The following SNTG2 variants were observed in gnomAD, a reference collection of about 807,000 sequenced individuals.
SNTG2 encodes the protein syntrophin gamma 2, also known as gamma-2-syntrophin.
Under a neutral mutation model 70.9 loss-of-function variants are expected in SNTG2, and 74 were observed. The observed-to-expected ratio is 1.04, with a 90% CI of 0.86 to 1.27. The LOEUF (loss-of-function observed/expected upper bound fraction) is 1.27, where lower values mean the gene tolerates loss of function less well. SNTG2 is among the 50% of genes most tolerant of loss of function. SNTG2 has a pLI of 0.00. For synonymous variants in SNTG2, 278 were observed against 273.8 expected, an observed-to-expected ratio of 1.02 and a Z score of -0.15; for missense variants, 717 against 690.7, an observed-to-expected ratio of 1.04 and a Z score of -0.43.
At chr2:962,903 C>T (rs1008816456) in intron 1 of SNTG2, among the ~76,000 whole-genome samples, 1 of 152,090 alleles carries the variant, frequency 6.6e-6, no homozygotes, top group Non-Finnish European at 1.5e-5. Flanking sequence ...GCGTGCTAAG[C>T]CCCACATTCA....
At chr2:1,043,759 C>T (rs151211970) in intron 1 of SNTG2, among the ~76,000 whole-genome samples, 2,990 of 152,118 alleles carry the variant, frequency 0.02, 54 homozygotes, top group Middle Eastern at 0.065. Context: ...TCTAATTTGT[C>T]CCATTGGTCT....
intron 1 of SNTG2, 66 bp downstream of exon 1, chr2:951,134 C>T: frequency 1.4e-6 from 1 of 709,204 alleles, no homozygotes; most frequent in Non-Finnish European, 2.0e-6. Flanking sequence ...CGCCCTTCTC[C>T]CCCCGCCCCT....
intron 1 of SNTG2, among the ~76,000 whole-genome samples, chr2:1,075,442 A>G (rs190611100): frequency 1.1e-3 from 169 of 152,334 alleles, no homozygotes; most frequent in Admixed American, 2.5e-3. Flanking sequence ...CATTTTTCCA[A>G]TGGAAAGTGT....
chr2:973,332 G>T (rs1660805860), intron 1 of SNTG2, among the ~76,000 whole-genome samples: 1 of 152,130 alleles, frequency 6.6e-6, no homozygotes, highest in Admixed American at 6.6e-5. Context: ...GCTGAGTATG[G>T]ATTTCTGGAT....
chr2:1,321,382 A>G (rs1398619526), intron 16 of SNTG2, among the ~76,000 whole-genome samples: 2 of 152,168 alleles, frequency 1.3e-5, no homozygotes, highest in African/African-American at 4.8e-5. Flanking sequence ...AACCCCACTG[A>G]AAATTACGCC....
chr2:1,090,401 A>G (rs1010718750), intron 2 of SNTG2, among the ~76,000 whole-genome samples: 7 of 152,240 alleles, frequency 4.6e-5, no homozygotes, highest in Non-Finnish European at 1.0e-4. Flanking sequence ...CCAGCTGTGA[A>G]TCCACAACCG....
chr2:1,233,694 A>G (rs1455161639), intron 9 of SNTG2, among the ~76,000 whole-genome samples: 1 of 152,254 alleles, frequency 6.6e-6, no homozygotes, highest in Non-Finnish European at 1.5e-5. Context: ...CGTTATTGGA[A>G]TAAATTTATT....
chr2:1,255,869 TATAAATATATATATAA>T lies in SNTG2; in HGVS notation c.1006-3497_1006-3482del, dbSNP rs1558602599. Among the ~76,000 whole-genome samples, 252 of 77,906 alleles carry T rather than the reference TATAAATATATATATAA, an allele frequency of 3.2e-3. 9 individuals carry two copies. The highest frequency in any genetic ancestry group is 0.014 in the African/African-American group (177 of 12,676). The allele number at this position is 77,906 out of a possible 152,430, so 51.1% of individuals were successfully genotyped here. A position where few individuals can be genotyped will look rare whatever the true frequency, so the allele number is the denominator to read the frequency against. On this transcript the variant is annotated intron_variant, in intron 12 of 16. Transcript: ENST00000308624. ...ATATATATAAATATATATAAATATA[TATAAATATATATATAA>T]ATATATATAAATATATATATAAATA...
At chr2:999,825 C>G (rs1661809429) in intron 1 of SNTG2, among the ~76,000 whole-genome samples, 1 of 151,896 alleles carries the variant, frequency 6.6e-6, no homozygotes. Context: ...AGATTATATA[C>G]TCTTCTCTTC....
At chr2:1,255,823 T>TATATATATAA (rs750209235) in intron 12 of SNTG2, among the ~76,000 whole-genome samples, 11,586 of 71,886 alleles carry the variant, frequency 0.16, 1,447 homozygotes, top group East Asian at 0.39. Context: ...GTTGTATGTA[T>TATATATATAA]ATATATATAA....
intron 4 of SNTG2, among the ~76,000 whole-genome samples, chr2:1,127,037 C>G (rs1667738174): frequency 6.6e-6 from 1 of 151,924 alleles, no homozygotes. Context: ...TTTTCTCAGA[C>G]CAGTGTCCAG....
intron 2 of SNTG2, among the ~76,000 whole-genome samples, chr2:1,089,562 G>C (rs1029609259): frequency 7.2e-5 from 11 of 152,194 alleles, no homozygotes; most frequent in African/African-American, 2.4e-4. Context: ...TTGAACCCAA[G>C]AGGTAGAGCT....
At position 1,142,278 on chromosome 2, in the gene SNTG2, G is replaced by T. The variant is rs183622670; in HGVS notation, c.411+4469G>T. 1.1e-3 allele frequency among the ~76,000 whole-genome samples: 163 copies of T among 152,302 alleles called. 1 individual carries two copies. Among genetic ancestry groups the T allele is most frequent in the Admixed American group, 2.0e-3 (31 of 15,302 alleles). ...TAGCCATGGCTAGATAGATCTGCAG[G>T]TCAAACCATCAGCCCTGCCACCCAT... On this transcript the variant is annotated intron_variant, in intron 6 of 16. Transcript: ENST00000308624.
rs185366126 is a variant in SNTG2 at position 1,279,070 on chromosome 2, C to T, written c.1284+11499C>T. Among the ~76,000 whole-genome samples, 69 of 83,214 alleles carry T rather than the reference C, an allele frequency of 8.3e-4. No homozygotes were observed. In the Middle Eastern group the frequency reaches 0.036, roughly 44 times the overall value. The allele number at this position is 83,214 out of a possible 152,430, so 54.6% of individuals were successfully genotyped here. On this transcript the variant is annotated intron_variant, in intron 14 of 16. Coordinates refer to ENST00000308624, the MANE Select transcript of SNTG2 (RefSeq NM_018968.4). Reference sequence around the variant, plus strand: ...TGCGCGATTCACCCCTCTGTCAGTGCGCGAATGACCCCTCTGTCAGTGCGC... The same window carrying T: ...TGCGCGATTCACCCCTCTGTCAGTGTGCGAATGACCCCTCTGTCAGTGCGC...
intron 1 of SNTG2, among the ~76,000 whole-genome samples, chr2:987,598 G>C (rs7608116): frequency 0.56 from 85,460 of 151,838 alleles, 24,580 homozygotes; most frequent in African/African-American, 0.67. Flanking sequence ...CGAGAACTCT[G>C]AAAGCCGAGC....
At chr2:972,428 T>C (rs892305125) in intron 1 of SNTG2, among the ~76,000 whole-genome samples, 1 of 152,212 alleles carries the variant, frequency 6.6e-6, no homozygotes, top group Non-Finnish European at 1.5e-5. Flanking sequence ...AATTCTGTTT[T>C]GTCCAAAATT....
chr2:1,163,863 A>G (rs1349477650), intron 6 of SNTG2: 2 of 152,290 alleles, frequency 1.3e-5, no homozygotes, highest in Non-Finnish European at 2.9e-5. Flanking sequence ...TGGACCAGCC[A>G]TGCCAGATAG....
intron 16 of SNTG2, among the ~76,000 whole-genome samples, chr2:1,326,960 A>G (rs1283116547): frequency 2.0e-5 from 3 of 152,046 alleles, no homozygotes; most frequent in Non-Finnish European, 4.4e-5. Flanking sequence ...CTTTCCTGTA[A>G]TAAAATCACA....
chr2:978,790 A>G (rs893004054), intron 1 of SNTG2, among the ~76,000 whole-genome samples: 2 of 152,252 alleles, frequency 1.3e-5, no homozygotes, highest in African/African-American at 4.8e-5. Flanking sequence ...CAATGAGAAG[A>G]TGGCTGAGTC....
Sources: gnomAD v4.1 joint callset for allele counts (sites outside exome capture counted in the v4.1 genomes callset) on GRCh38, gnomAD v4.1.1 for gene constraint, MANE v1.5 for transcripts, NCBI Gene and HGNC (gene_info 2026-07-23, HGNC 2026-07-21) for gene names.